Variants in HBE1 observed in about 807,000 individuals in gnomAD.
The protein encoded by HBE1 is hemoglobin subunit epsilon 1.
A neutral mutation model predicts 12.1 loss-of-function variants in HBE1; 10 were observed. The ratio of observed to expected loss-of-function variants is 0.83; its 90% CI spans 0.51 to 1.40. HBE1 has a LOEUF of 1.40. Ranked by LOEUF, HBE1 falls within the 40% of genes most tolerant of loss-of-function variation. The pLI, the probability that HBE1 is intolerant of heterozygous loss-of-function variation, is 0.00. For missense variants in HBE1, 172 were observed against 175.8 expected (o/e 0.98, Z 0.12); for synonymous variants, 78 against 70.4 (o/e 1.11, Z -0.54).
rs568402179 is a variant in HBE1, at chr11:5,269,318, T to C, written c.315+136A>G. ...TCATGTAAGTTTTGGTTATGCTCAC[T>C]AGAAGTCTGCTGTTCTAACATCAAG... On this transcript the variant is annotated intron_variant, in intron 2 of 2. Coordinates refer to ENST00000396895, the MANE Select transcript of HBE1 (RefSeq NM_005330.4). The C allele has an allele frequency of 5.6e-5, 41 of 733,290 alleles. 1 individual carries two copies. The highest frequency in any genetic ancestry group is 1.4e-4 in the Admixed American group (7 of 49,812). The allele number at this position is 733,290 out of a possible 1,614,324, so 45.4% of individuals were successfully genotyped here.
chr11:5,268,839 A>G (rs968749765), intron 2 of HBE1, among the ~76,000 whole-genome samples: 2 of 151,862 alleles, frequency 1.3e-5, no homozygotes, highest in African/African-American at 4.8e-5. Flanking sequence ...CCCCTTCCCC[A>G]TTTTACCAGT....
chr11:5,268,834 T>C (rs1013113475), intron 2 of HBE1, among the ~76,000 whole-genome samples: 6 of 152,114 alleles, frequency 3.9e-5, no homozygotes, highest in African/African-American at 9.7e-5. Context: ...CTCACCCCCT[T>C]CCCCATTTTA....
Position 5,268,382 on chromosome 11 carries a change from A to C in HBE1, c.*87T>G. 5 of 1,195,778 alleles carry C rather than the reference A, an allele frequency of 4.2e-6. No individual in the cohort carries two copies. Among genetic ancestry groups the C allele is most frequent in the Non-Finnish European group, 5.9e-6 (5 of 849,776 alleles). The allele number at this position is 1,195,778 out of a possible 1,614,324, so 74.1% of individuals were successfully genotyped here. The stretch of plus-strand genomic sequence containing the variant: ...GAAGAAAATGTACTTTATTAAACAG[A>C]AGGCTTTCTCTCAAGGCCAAGCCCA... On this transcript the variant is annotated 3_prime_UTR_variant, in exon 3 of 3. Coordinates refer to ENST00000396895, the MANE Select transcript of HBE1 (RefSeq NM_005330.4).
intron 2 of HBE1, 130 bp downstream of exon 2, chr11:5,269,324 T>C: frequency 1.3e-6 from 1 of 750,834 alleles, no homozygotes; most frequent in South Asian, 1.5e-5. Flanking sequence ...TCACTAGAAG[T>C]CTGCTGTTCT....
At chr11:5,269,753 G>T in intron 1 of HBE1, 46 bp downstream of exon 1, 1 of 1,567,618 alleles carries the variant, frequency 6.4e-7, no homozygotes, top group African/African-American at 1.3e-5. Flanking sequence ...AACTTGCTAG[G>T]GTAATATTCA....
Position 5,268,386 on chromosome 11 carries a change from C to T in HBE1, c.*83G>A. ...AAAATGTACTTTATTAAACAGAAGG[C>T]TTTCTCTCAAGGCCAAGCCCAGTCC... On this transcript the variant is annotated 3_prime_UTR_variant, in exon 3 of 3. Transcript: ENST00000396895. 1.6e-6 allele frequency: 2 copies of T among 1,251,770 alleles called. No homozygotes were observed. The highest frequency in any genetic ancestry group is 1.6e-5 in the South Asian group (1 of 62,684). 77.5% of individuals were successfully genotyped at this position (1,251,770 alleles called of 1,614,324 possible). A position where few individuals can be genotyped will look rare whatever the true frequency, so the allele number is the denominator to read the frequency against.
At chr11:5,269,416 TA>T in intron 2 of HBE1, 37 bp downstream of exon 2, 1 of 1,433,542 alleles carries the variant, frequency 7.0e-7, no homozygotes, top group Non-Finnish European at 9.8e-7. Flanking sequence ...TGTCAAAATA[TA>T]AAGCCAAAAA....
rs1274644435 is a variant in HBE1, at chr11:5,269,661, G to T, written c.108C>A (p.Tyr36Ter). Residue 36 changes from tyrosine (Y) to a stop codon, truncating the protein, a stop_gained, in exon 2 of 3, where the codon TAC becomes TAA. Transcript: ENST00000396895. LOFTEE classifies it high-confidence loss of function. The part of the protein sequence containing the change: ...GEALGRLLVV[Y>*]PWTQRFFDSF... ...TGTCAAAAAATCTCTGGGTCCAGGG[G>T]TAAACAACGAGGAGTCTATGAAATG... 3 of 1,612,896 alleles carry T rather than the reference G, an allele frequency of 1.9e-6. No individual in the cohort carries two copies. Among genetic ancestry groups the T allele is most frequent in the Admixed American group, 1.7e-5 (1 of 59,952 alleles).
In HBE1 at chr11:5,268,487, C is replaced by T; in HGVS notation, c.426G>A (p.Leu142=). ...AGAGAACTCAGTGGTACTTATGGGC[C>T]AGGGCAATGGCGACAGCAGACACCA... is the stretch of plus-strand genomic sequence containing the variant. ...QKLVSAVAIA[L]AHKYH is the part of the protein sequence containing the mutation. The change falls in exon 3 of 3, where the codon CTG becomes CTA. Residue 142 remains leucine, a synonymous_variant. Coordinates refer to ENST00000396895, the MANE Select transcript of HBE1 (RefSeq NM_005330.4). The T allele has an allele frequency of 6.2e-7, 1 of 1,613,846 alleles. No homozygotes were observed. The highest frequency in any genetic ancestry group is 8.5e-7 in the Non-Finnish European group (1 of 1,179,860).
Position 5,268,448 on chromosome 11 carries a change from A to G in HBE1, c.*21T>C, listed in dbSNP as rs959601238. On this transcript the variant is annotated 3_prime_UTR_variant, in exon 3 of 3. Coordinates refer to ENST00000396895, the MANE Select transcript of HBE1 (RefSeq NM_005330.4). ...AGGAGGGTGTCAGGGTCACAGGAAC[A>G]CCTGCAAACTGGAAGAGAACTCAGT... The G allele has an allele frequency of 7.5e-6, 12 of 1,610,122 alleles. No individual in the cohort carries two copies. The highest frequency in any genetic ancestry group is 9.3e-6 in the Non-Finnish European group (11 of 1,177,012).
chr11:5,268,631 T>G, intron 2 of HBE1, 34 bp from the exon 3 acceptor site: 1 of 1,601,350 alleles, frequency 6.2e-7, no homozygotes, highest in Non-Finnish European at 8.5e-7. Flanking sequence ...CACACAGGCA[T>G]GTTGAGTAGA....
intron 2 of HBE1, 87 bp from the exon 3 acceptor site, chr11:5,268,684 A>AACAG (rs1848160646): frequency 7.4e-7 from 1 of 1,355,930 alleles, no homozygotes; most frequent in Non-Finnish European, 1.0e-6. Flanking sequence ...CAAACAAACA[A>AACAG]AAACGGCTTT....
rs777381269 is a variant in HBE1, at chr11:5,269,686, G to A, written c.93-10C>T. The A allele has an allele frequency of 6.2e-7, 1 of 1,601,800 alleles. No homozygotes were observed. Among genetic ancestry groups the A allele is most frequent in the Non-Finnish European group, 8.6e-7 (1 of 1,169,158 alleles). On this transcript the variant is annotated splice_polypyrimidine_tract_variant and intron_variant, in intron 1 of 2. Transcript: ENST00000396895. Reference sequence around the variant, plus strand: ...GTAAACAACGAGGAGTCTATGAAATGACACCATATCAGATACAAAATTAGA... The same window carrying A: ...GTAAACAACGAGGAGTCTATGAAATAACACCATATCAGATACAAAATTAGA...
Position 5,268,514 on chromosome 11 carries a change from C to A in HBE1, c.399G>T (p.Lys133Asn), listed in dbSNP as rs529015660. The change falls in exon 3 of 3, where the codon AAG becomes AAT. Residue 133 changes from lysine to asparagine, a missense_variant. By Grantham distance (94) the Lys-to-Asn change is moderately conservative. Coordinates refer to ENST00000396895, the MANE Select transcript of HBE1 (RefSeq NM_005330.4). ...FTPEVQAAWQ[K>N]LVSAVAIALA... is the part of the protein sequence containing the mutation. ...GGGCAATGGCGACAGCAGACACCAG[C>A]TTCTGCCAGGCAGCCTGCACTTCAG... 4 of 1,613,904 alleles carry A rather than the reference C, an allele frequency of 2.5e-6. No homozygotes were observed. The highest frequency in any genetic ancestry group is 1.3e-5 in the African/African-American group (1 of 75,042).
intron 2 of HBE1, 38 bp downstream of exon 2, chr11:5,269,416 T>C (rs1309244994): frequency 7.0e-7 from 1 of 1,433,544 alleles, no homozygotes; most frequent in Non-Finnish European, 9.8e-7. Flanking sequence ...TGTCAAAATA[T>C]AAAGCCAAAA....
At position 5,268,556 on chromosome 11, in the gene HBE1, A is replaced by C; in HGVS notation, c.357T>G (p.Phe119Leu). ...GCACTTCAGGGGTGAACTCCTTGCC[A>C]AAGTGAGTAGCCAGAATAATCACCA... The part of the protein sequence containing the change: ...NVMVIILATH[F>L]GKEFTPEVQA... The change falls in exon 3 of 3, where the codon TTT (phenylalanine) becomes TTG (leucine). Residue 119 changes from phenylalanine to leucine, a missense_variant. Coordinates refer to ENST00000396895, the MANE Select transcript of HBE1 (RefSeq NM_005330.4). 16 of 1,613,732 alleles carry C rather than the reference A, an allele frequency of 9.9e-6. No individual in the cohort carries two copies. The highest frequency in any genetic ancestry group is 1.4e-5 in the Non-Finnish European group (16 of 1,179,644).
At chr11:5,268,663 G>T in intron 2 of HBE1, 66 bp from the exon 3 acceptor site, 33 of 1,089,640 alleles carry the variant, frequency 3.0e-5, no homozygotes, top group African/African-American at 5.8e-5. Flanking sequence ...ACAACTTGAT[G>T]AAAAAACAAA....
chr11:5,269,423 A>G, intron 2 of HBE1, 31 bp downstream of exon 2: 1 of 1,504,814 alleles, frequency 6.6e-7, no homozygotes, highest in South Asian at 1.1e-5. Context: ...ATATAAAGCC[A>G]AAAAATCACA....
chr11:5,268,363 A>C lies in HBE1; in HGVS notation c.*106T>G, dbSNP rs888016207. ...ATTGCAATTTTTGATTACTGAAGAA[A>C]ATGTACTTTATTAAACAGAAGGCTT... On this transcript the variant is annotated 3_prime_UTR_variant, in exon 3 of 3. Coordinates refer to ENST00000396895, the MANE Select transcript of HBE1 (RefSeq NM_005330.4). 9.7e-7 allele frequency: 1 copy of C among 1,034,372 alleles called. No individual in the cohort carries two copies. Among genetic ancestry groups the C allele is most frequent in the African/African-American group, 1.6e-5 (1 of 62,834 alleles). The allele number at this position is 1,034,372 out of a possible 1,614,324, so 64.1% of individuals were successfully genotyped here.
Sources: gnomAD v4.1 joint callset for allele counts (sites outside exome capture counted in the v4.1 genomes callset) on GRCh38, gnomAD v4.1.1 for gene constraint, MANE v1.5 for transcripts, NCBI Gene and HGNC (gene_info 2026-07-23, HGNC 2026-07-21) for gene names.